SYN3: variants seen among roughly 807,000 people sequenced by gnomAD.
SYN3 encodes synapsin-3.
Under a neutral mutation model 65.8 loss-of-function variants are expected in SYN3, and 35 were observed. That is an observed-to-expected ratio of 0.53 (90% CI 0.41 to 0.70). SYN3 has a LOEUF of 0.70. Ranked by LOEUF, SYN3 falls within the 30% of genes least tolerant of loss-of-function variation. The pLI, the probability that SYN3 is intolerant of heterozygous loss-of-function variation, is 0.00. For missense variants in SYN3, 680 were observed against 749.0 expected (o/e 0.91, Z 1.08); for synonymous variants, 270 against 292.9 (o/e 0.92, Z 0.80).
intron 7 of SYN3, among the ~76,000 whole-genome samples, chr22:32,566,147 T>C (rs2058669515): frequency 6.6e-6 from 1 of 152,042 alleles, no homozygotes; most frequent in South Asian, 2.1e-4. Flanking sequence ...CTGGCCAGGG[T>C]ATTTTGTTTA....
In SYN3 at chr22:32,529,008, C is replaced by CAGCTCAATGGA; in HGVS notation, c.1096-1_1096insTCCATTGAGCT (p.Val366SerfsTer5). On this transcript the variant is annotated frameshift_variant and splice_region_variant. Coordinates refer to ENST00000358763, the MANE Select transcript of SYN3 (RefSeq NM_003490.4). LOFTEE classifies it high-confidence loss of function. ...ATCAGCGGCATTGAGCTGTCCATTA[C>CAGCTCAATGGA]CTGTGGGGAGGAAGGGAGAGCTGAG... 1 of 1,613,814 alleles carries CAGCTCAATGGA rather than the reference C, an allele frequency of 6.2e-7. No homozygotes were observed. Among genetic ancestry groups the CAGCTCAATGGA allele is most frequent in the Non-Finnish European group, 8.5e-7 (1 of 1,180,004 alleles).
rs924941805 is a variant in SYN3, at chr22:32,767,203, G to A, written c.711+97712C>T. Among the ~76,000 whole-genome samples, 72 of 152,258 alleles carry A rather than the reference G, an allele frequency of 4.7e-4. 1 individual carries two copies. The highest frequency in any genetic ancestry group is 1.7e-3 in the African/African-American group (70 of 41,528). ...TTCCTCTGCCCACAAGCACACTTGG[G>A]GTTTTGCTTTCGTAAATAAAGTCAA... On this transcript the variant is annotated intron_variant, in intron 6 of 13. Transcript: ENST00000358763.
intron 6 of SYN3, among the ~76,000 whole-genome samples, chr22:32,853,389 A>C (rs1302765401): frequency 6.6e-6 from 1 of 152,254 alleles, no homozygotes; most frequent in Non-Finnish European, 1.5e-5. Flanking sequence ...AACAGTGTTG[A>C]TCTTTGGTAG....
chr22:32,648,471 A>T (rs2060015598), intron 6 of SYN3, among the ~76,000 whole-genome samples: 1 of 152,210 alleles, frequency 6.6e-6, no homozygotes, highest in Non-Finnish European at 1.5e-5. Context: ...ATATGGTAAA[A>T]ATTGTAAAGG....
At chr22:32,780,930 TTCCTTTCCTTCCTTCC>T (rs1253646990) in intron 6 of SYN3, among the ~76,000 whole-genome samples, 2 of 117,074 alleles carry the variant, frequency 1.7e-5, no homozygotes, top group African/African-American at 8.0e-5. Context: ...CCTTCCTTCC[TTCCTTTCCTTCCTTCC>T]TTCCTTCCTT....
chr22:32,781,025 CTCT>C (rs1276250898), intron 6 of SYN3, among the ~76,000 whole-genome samples: 3 of 119,342 alleles, frequency 2.5e-5, no homozygotes, highest in East Asian at 2.4e-4. Flanking sequence ...CTTTCTCTCT[CTCT>C]TTTTTCTTTC....
rs1261080453 is a variant in SYN3, at chr22:32,801,107, TC to T, written c.711+63807del. On this transcript the variant is annotated intron_variant, in intron 6 of 13. Coordinates refer to ENST00000358763, the MANE Select transcript of SYN3 (RefSeq NM_003490.4). This position sits in a 1 kb window ranked among gnomAD's most constrained non-coding sequence, Gnocchi z 4.7. ...TCTGGGAGAGCACAGAAAACAGTCT[TC>T]TATCATATATCATAGCCAGCTGCAA... 6.6e-6 allele frequency among the ~76,000 whole-genome samples: 1 copy of T among 152,166 alleles called. No homozygotes were observed. Among genetic ancestry groups the T allele is most frequent in the Non-Finnish European group, 1.5e-5 (1 of 68,020 alleles).
At chr22:32,528,355 T>C (rs1030126852) in intron 11 of SYN3, among the ~76,000 whole-genome samples, 2 of 152,164 alleles carry the variant, frequency 1.3e-5, no homozygotes, top group Non-Finnish European at 2.9e-5. Context: ...TGCTTTTACA[T>C]AAAGCTGGGG....
intron 6 of SYN3, among the ~76,000 whole-genome samples, chr22:32,854,384 C>T (rs185518743): frequency 6.6e-6 from 1 of 152,186 alleles, no homozygotes; most frequent in African/African-American, 2.4e-5. Flanking sequence ...TTCAAATGAC[C>T]AGACTGTAAC....
chr22:32,869,330 T>TTCTCTCTCTCTCTCTCTCTCTCTCTCTC (rs59752570), intron 4 of SYN3, among the ~76,000 whole-genome samples: 61 of 121,032 alleles, frequency 5.0e-4, no homozygotes, highest in African/African-American at 1.3e-3. Context: ...ACTATATATA[T>TTCTCTCTCTCTCTCTCTCTCTCTCTCTC]TCTCTCTCTC....
chr22:32,884,416 A>C (rs778483316), intron 4 of SYN3, among the ~76,000 whole-genome samples: 1 of 152,230 alleles, frequency 6.6e-6, no homozygotes, highest in Non-Finnish European at 1.5e-5. Flanking sequence ...TCTTTCAAAA[A>C]GAGAATGGTA....
chr22:32,807,121 T>C (rs1033022330), intron 6 of SYN3, among the ~76,000 whole-genome samples: 1 of 150,322 alleles, frequency 6.7e-6, no homozygotes, highest in African/African-American at 2.5e-5. Flanking sequence ...CTGGCTTTCC[T>C]CCCACCACAT....
At chr22:32,936,521 C>T (rs899848707) in intron 3 of SYN3, among the ~76,000 whole-genome samples, 2 of 148,140 alleles carry the variant, frequency 1.4e-5, no homozygotes, top group Admixed American at 6.7e-5. Flanking sequence ...AAACAAAAAA[C>T]CTCACAAACT....
intron 1 of SYN3, among the ~76,000 whole-genome samples, chr22:33,031,969 G>A (rs1206712150): frequency 6.6e-6 from 1 of 152,156 alleles, no homozygotes; most frequent in East Asian, 1.9e-4. Context: ...GGCACTTTAA[G>A]AGGCTCGAGG....
At chr22:32,581,752 TTTTTTC>T (rs1186784259) in intron 7 of SYN3, among the ~76,000 whole-genome samples, 10 of 146,802 alleles carry the variant, frequency 6.8e-5, no homozygotes, top group Admixed American at 2.1e-4. Context: ...AATTGATTCT[TTTTTTC>T]TTTTTCTTTT....
Position 32,715,436 on chromosome 22 carries a change from C to T in SYN3, c.712-118700G>A, listed in dbSNP as rs145769568. On this transcript the variant is annotated intron_variant, in intron 6 of 13. Transcript: ENST00000358763. ...TTTGGGAATTGCTGATGTGAAATAA[C>T]GTAAATATTTGTTCGTTTCTAAAAA... Among the ~76,000 whole-genome samples the T allele has an allele frequency of 3.7e-3, 562 of 152,262 alleles. 3 individuals carry two copies. Among genetic ancestry groups the T allele is most frequent in the African/African-American group, 0.013 (529 of 41,534 alleles).
At chr22:32,701,384 C>T (rs2147201107) in intron 6 of SYN3, among the ~76,000 whole-genome samples, 1 of 152,150 alleles carries the variant, frequency 6.6e-6, no homozygotes, top group East Asian at 1.9e-4. Context: ...ACCCAGCATC[C>T]AGTAAAAAAT....
intron 5 of SYN3, among the ~76,000 whole-genome samples, chr22:32,866,233 C>T (rs1373210315): frequency 6.6e-6 from 1 of 152,194 alleles, no homozygotes; most frequent in Non-Finnish European, 1.5e-5. Context: ...TTGGAGGTCA[C>T]TCAATACTAA....
At chr22:32,561,793 G>T (rs1259680811) in intron 7 of SYN3, among the ~76,000 whole-genome samples, 1 of 152,176 alleles carries the variant, frequency 6.6e-6, no homozygotes, top group Admixed American at 6.5e-5. Flanking sequence ...TGCAGGCCAG[G>T]CTCCTACGTG....
Sources: gnomAD v4.1 joint callset for allele counts (sites outside exome capture counted in the v4.1 genomes callset) on GRCh38, gnomAD v4.1.1 for gene constraint, Gnocchi (gnomAD v3.1) non-coding constraint, MANE v1.5 for transcripts, NCBI Gene and HGNC (gene_info 2026-07-23, HGNC 2026-07-21) for gene names.